Variants in EYS observed in about 807,000 individuals in gnomAD.
EYS encodes the protein protein eyes shut homolog.
Under a neutral mutation model 282.1 loss-of-function variants are expected in EYS, and 250 were observed. The observed-to-expected ratio is 0.89, with a 90% CI of 0.80 to 0.98. The LOEUF (loss-of-function observed/expected upper bound fraction) is 0.98, where lower values mean the gene tolerates loss of function less well. EYS is among the 50% of genes least tolerant of loss of function. The pLI is 0.00. For missense variants in EYS, 4,016 were observed against 3,709.0 expected, an observed-to-expected ratio of 1.08 and a Z score of -2.15; for synonymous variants, 1,355 against 1,282.9, an observed-to-expected ratio of 1.06 and a Z score of -1.20.
chr6:64,417,697 G>C (rs190144286), intron 28 of EYS, among the ~76,000 whole-genome samples: 1 of 120,466 alleles, frequency 8.3e-6, no homozygotes, highest in Non-Finnish European at 1.6e-5. Flanking sequence ...TTTTGACAGC[G>C]TCTCACTGTG....
At chr6:63,769,096 T>C (rs141110956) in intron 40 of EYS, among the ~76,000 whole-genome samples, 49 of 152,012 alleles carry the variant, frequency 3.2e-4, no homozygotes, top group Middle Eastern at 6.8e-3. Context: ...GGAGGGAATG[T>C]GGGGTGAAAA....
At chr6:64,111,647 T>C (rs1773208794) in intron 31 of EYS, among the ~76,000 whole-genome samples, 1 of 151,986 alleles carries the variant, frequency 6.6e-6, no homozygotes, top group African/African-American at 2.4e-5. Flanking sequence ...TTATGAGCTG[T>C]GTGGAAGTTT....
chr6:64,737,046 A>C (rs992046641), intron 22 of EYS, among the ~76,000 whole-genome samples: 4 of 152,200 alleles, frequency 2.6e-5, no homozygotes, highest in African/African-American at 9.6e-5. Flanking sequence ...AATTGTGAAG[A>C]AACAATGTAA....
chr6:64,676,363 G>A (rs1769682552), intron 22 of EYS, among the ~76,000 whole-genome samples: 1 of 147,756 alleles, frequency 6.8e-6, no homozygotes, highest in African/African-American at 2.5e-5. Context: ...GAGAGAGAGA[G>A]GGAGAGAAAG....
At chr6:63,761,406 A>G (rs778321511) in intron 41 of EYS, among the ~76,000 whole-genome samples, 1 of 152,196 alleles carries the variant, frequency 6.6e-6, no homozygotes, top group Non-Finnish European at 1.5e-5. Flanking sequence ...ATTTTTTCCC[A>G]TAAACTACTA....
chr6:64,557,086 A>T (rs1353638517), intron 26 of EYS, among the ~76,000 whole-genome samples: 1 of 151,878 alleles, frequency 6.6e-6, no homozygotes, highest in Non-Finnish European at 1.5e-5. Context: ...AAACAATTTT[A>T]CTATCAAATG....
chr6:63,957,624 A>G (rs1765880541), intron 35 of EYS, among the ~76,000 whole-genome samples: 1 of 140,992 alleles, frequency 7.1e-6, no homozygotes, highest in Non-Finnish European at 1.6e-5. Context: ...CTTTATTCAA[A>G]CTATAAATCT....
intron 41 of EYS, among the ~76,000 whole-genome samples, chr6:63,729,307 A>C (rs1768719220): frequency 2.6e-5 from 4 of 152,048 alleles, no homozygotes; most frequent in Admixed American, 1.3e-4. Context: ...TTGACAGATT[A>C]GTTTTTTAAT....
Position 63,808,602 on chromosome 6 carries a change from A to G in EYS, c.7229-2230T>C, listed in dbSNP as rs760693243. Among the ~76,000 whole-genome samples, 47 of 152,346 alleles carry G rather than the reference A, an allele frequency of 3.1e-4. No homozygotes were observed. The Middle Eastern group carries it at 0.014, about 44-fold the overall frequency. The stretch of plus-strand genomic sequence containing the variant: ...AGTAACTCATTAAGGCAATGGTGTG[A>G]TATTTAAACAGCTAATGGAAATACA... On this transcript the variant is annotated intron_variant, in intron 36 of 42. Transcript: ENST00000503581.
At chr6:65,362,574 T>C (rs1764751749) in intron 8 of EYS, among the ~76,000 whole-genome samples, 1 of 151,794 alleles carries the variant, frequency 6.6e-6, no homozygotes, top group Non-Finnish European at 1.5e-5. Context: ...CATTATTATA[T>C]ATATACATAT....
intron 8 of EYS, among the ~76,000 whole-genome samples, chr6:65,355,091 AT>A (rs1254839248): frequency 1.3e-5 from 2 of 152,084 alleles, no homozygotes; most frequent in African/African-American, 2.4e-5. Flanking sequence ...TGAATTCTGA[AT>A]ATATGACTGT....
chr6:64,497,052 C>A (rs1001606964), intron 26 of EYS, among the ~76,000 whole-genome samples: 9 of 151,870 alleles, frequency 5.9e-5, no homozygotes, highest in African/African-American at 2.2e-4. Context: ...GCCTCAAATC[C>A]CAGTTTAATT....
At chr6:65,528,379 A>T (rs1052875149) in intron 2 of EYS, among the ~76,000 whole-genome samples, 4 of 152,188 alleles carry the variant, frequency 2.6e-5, no homozygotes, top group Non-Finnish European at 5.9e-5. Context: ...CCTGGTTACA[A>T]TGAGGATCTA....
chr6:63,926,714 G>A (rs183240804), intron 35 of EYS, among the ~76,000 whole-genome samples: 1 of 152,232 alleles, frequency 6.6e-6, no homozygotes, highest in East Asian at 1.9e-4. Flanking sequence ...TAATAGTCAT[G>A]GATAATGTAG....
At chr6:64,392,087 A>G (rs1425411157) in intron 28 of EYS, among the ~76,000 whole-genome samples, 1 of 152,036 alleles carries the variant, frequency 6.6e-6, no homozygotes, top group Admixed American at 6.5e-5. Context: ...TATCCTAAAT[A>G]TATATGCACC....
At chr6:64,583,622 C>T (rs1402220248) in intron 26 of EYS, among the ~76,000 whole-genome samples, 1 of 151,980 alleles carries the variant, frequency 6.6e-6, no homozygotes, top group African/African-American at 2.4e-5. Context: ...ATGGAGAAAC[C>T]CCATCTCTAC....
intron 35 of EYS, among the ~76,000 whole-genome samples, chr6:63,876,558 T>C (rs1041540373): frequency 6.6e-6 from 1 of 152,200 alleles, no homozygotes; most frequent in Non-Finnish European, 1.5e-5. Flanking sequence ...ATCTGTCTAA[T>C]ATTGACAGTG....
chr6:64,943,607 A>AAAACAAAC (rs909862699), intron 15 of EYS, among the ~76,000 whole-genome samples: 1 of 152,006 alleles, frequency 6.6e-6, no homozygotes, highest in Admixed American at 6.6e-5. Context: ...CCAAAAACAA[A>AAAACAAAC]AAACAAACAA....
At chr6:63,918,057 G>T (rs1013230752) in intron 35 of EYS, among the ~76,000 whole-genome samples, 1 of 152,136 alleles carries the variant, frequency 6.6e-6, no homozygotes, top group African/African-American at 2.4e-5. Flanking sequence ...TTTATCCCAG[G>T]CTGTGCAGAT....
Sources: gnomAD v4.1 joint callset for allele counts (sites outside exome capture counted in the v4.1 genomes callset) on GRCh38, gnomAD v4.1.1 for gene constraint, MANE v1.5 for transcripts, NCBI Gene and HGNC (gene_info 2026-07-23, HGNC 2026-07-21) for gene names.